The following CLDN16 variants were observed in gnomAD, a reference collection of about 807,000 sequenced individuals.
CLDN16 encodes claudin 16.
A neutral mutation model predicts 24.6 loss-of-function variants in CLDN16; 13 were observed. The ratio of observed to expected loss-of-function variants is 0.53; its 90% CI spans 0.34 to 0.84. The LOEUF (loss-of-function observed/expected upper bound fraction) is 0.84, where lower values mean the gene tolerates loss of function less well. Among genes scored for constraint, CLDN16 ranks in the 40% least tolerant of loss-of-function variants. The pLI is 0.01. For missense variants in CLDN16, 298 were observed against 292.7 expected, an observed-to-expected ratio of 1.02 and a Z score of -0.13; for synonymous variants, 116 against 106.7, an observed-to-expected ratio of 1.09 and a Z score of -0.54.
chr3:190,356,150 A>AT (rs1358056446), intron 1 of CLDN16, among the ~76,000 whole-genome samples: 4 of 151,448 alleles, frequency 2.6e-5, no homozygotes, highest in Non-Finnish European at 3.0e-5. Flanking sequence ...AGCATATACA[A>AT]TTTTTTTTCA....
At chr3:190,399,651 T>C (rs981082980) in intron 1 of CLDN16, among the ~76,000 whole-genome samples, 1 of 152,188 alleles carries the variant, frequency 6.6e-6, no homozygotes, top group African/African-American at 2.4e-5. Flanking sequence ...ACCCATCATC[T>C]CAAACATTTA....
At position 190,402,411 on chromosome 3, in the gene CLDN16, G is replaced by A. The variant is rs1577429403; in HGVS notation, c.189G>A (p.Glu63=). The A allele has an allele frequency of 6.2e-7, 1 of 1,613,904 alleles. No homozygotes were observed. Among genetic ancestry groups the A allele is most frequent in the African/African-American group, 1.3e-5 (1 of 75,012 alleles). ...NAFDGIRTCD[E]YDSILAEHPL... ...TTGATGGGATTCGCACCTGTGATGA[G>A]TACGATTCCATACTTGCGGAGCATC... Residue 63 remains glutamate (E), a synonymous_variant, in exon 2 of 5, where the codon GAG becomes GAA. Transcript: ENST00000264734.
intron 1 of CLDN16, among the ~76,000 whole-genome samples, chr3:190,359,686 G>C (rs16865414): frequency 0.086 from 13,010 of 152,006 alleles, 679 homozygotes; most frequent in African/African-American, 0.14. Context: ...TGTGATCTGT[G>C]CTTGTTCAAA....
chr3:190,342,915 A>C (rs191822344), intron 1 of CLDN16, among the ~76,000 whole-genome samples: 1 of 152,336 alleles, frequency 6.6e-6, no homozygotes, highest in East Asian at 1.9e-4. Flanking sequence ...GATTTCTTGA[A>C]TATCACACCA....
At chr3:190,293,674 T>TA in the CLDN16 span, among the ~76,000 whole-genome samples, 24 of 152,176 alleles carry the variant, frequency 1.6e-4, no homozygotes, top group Non-Finnish European at 1.3e-4. Flanking sequence ...GGGTAAACTG[T>TA]AAACTATAGC....
chr3:190,337,606 T>C (rs1490294896), intron 1 of CLDN16, among the ~76,000 whole-genome samples: 1 of 152,232 alleles, frequency 6.6e-6, no homozygotes, highest in Non-Finnish European at 1.5e-5. Context: ...GCTGAGCTCC[T>C]TATATGATAA....
chr3:190,396,209 C>T (rs1006277599), intron 1 of CLDN16, among the ~76,000 whole-genome samples: 2 of 152,138 alleles, frequency 1.3e-5, no homozygotes, highest in Non-Finnish European at 2.9e-5. Flanking sequence ...GAGTCATCAT[C>T]TCTATGGTTT....
chr3:190,340,176 G>A (rs558609738), intron 1 of CLDN16, among the ~76,000 whole-genome samples: 18 of 152,188 alleles, frequency 1.2e-4, no homozygotes, highest in African/African-American at 3.9e-4. Context: ...ATGTAATAAG[G>A]GCTATTTATG....
chr3:190,328,239 A>C (rs6788222), intron 1 of CLDN16, among the ~76,000 whole-genome samples: 92,479 of 151,910 alleles, frequency 0.61, 29,361 homozygotes, highest in African/African-American at 0.79. Flanking sequence ...TGTGATCATG[A>C]CACTGCACTC....
intron 4 of CLDN16, among the ~76,000 whole-genome samples, chr3:190,409,288 A>G (rs1719206484): frequency 6.6e-6 from 1 of 152,102 alleles, no homozygotes; most frequent in South Asian, 2.1e-4. Context: ...GTATGTATAT[A>G]TGCACACATG....
chr3:190,397,474 G>T (rs1217762341), intron 1 of CLDN16, among the ~76,000 whole-genome samples: 1 of 152,058 alleles, frequency 6.6e-6, no homozygotes, highest in Non-Finnish European at 1.5e-5. Context: ...TAAGAACCCT[G>T]TCTTAAAATT....
intron 1 of CLDN16, among the ~76,000 whole-genome samples, chr3:190,355,873 G>C (rs1035342282): frequency 6.6e-6 from 1 of 151,442 alleles, no homozygotes; most frequent in Admixed American, 6.6e-5. Context: ...TCTCATTTCT[G>C]TGGGGTTTTT....
the CLDN16 span, among the ~76,000 whole-genome samples, chr3:190,298,801 T>C: frequency 4.6e-5 from 7 of 152,358 alleles, no homozygotes; most frequent in East Asian, 1.3e-3. Flanking sequence ...ATTTATTTTT[T>C]TCATTTTTAC....
chr3:190,363,702 T>C (rs1204192695), intron 1 of CLDN16, among the ~76,000 whole-genome samples: 1 of 150,866 alleles, frequency 6.6e-6, no homozygotes, highest in Non-Finnish European at 1.5e-5. Context: ...GTACTTACTA[T>C]TGATGTTAAC....
intron 1 of CLDN16, among the ~76,000 whole-genome samples, chr3:190,330,991 A>G (rs867194779): frequency 1.3e-5 from 2 of 152,330 alleles, no homozygotes; most frequent in South Asian, 2.1e-4. Flanking sequence ...AGGTTAAACC[A>G]GGGAGAACCA....
At chr3:190,299,108 ATATTTTG>A in the CLDN16 span, among the ~76,000 whole-genome samples, 2 of 152,156 alleles carry the variant, frequency 1.3e-5, no homozygotes, top group South Asian at 2.1e-4. Flanking sequence ...CAGACATCTT[ATATTTTG>A]TCAATCTTGT....
intron 2 of CLDN16, among the ~76,000 whole-genome samples, chr3:190,403,812 A>T (rs907866054): frequency 2.0e-5 from 3 of 152,206 alleles, no homozygotes; most frequent in African/African-American, 7.2e-5. Context: ...GTGCTAACCT[A>T]GTTCTACCTA....
intron 1 of CLDN16, among the ~76,000 whole-genome samples, chr3:190,389,541 AT>A (rs1241499780): frequency 1.3e-5 from 2 of 152,122 alleles, no homozygotes; most frequent in Non-Finnish European, 2.9e-5. Context: ...CTTGCTTTTA[AT>A]TTGCCTCTGA....
intron 1 of CLDN16, among the ~76,000 whole-genome samples, chr3:190,358,371 A>T (rs560485811): frequency 1.3e-5 from 2 of 152,050 alleles, no homozygotes; most frequent in South Asian, 4.1e-4. Flanking sequence ...GAGTGCATTC[A>T]TTTCTCCAAT....
Sources: allele counts gnomAD v4.1 joint callset (sites outside exome capture counted in the v4.1 genomes callset), GRCh38; gene constraint gnomAD v4.1.1; transcripts MANE v1.5; gene names NCBI Gene and HGNC (gene_info 2026-07-23, HGNC 2026-07-21).